The following ANKRD30B variants were observed in gnomAD, a reference collection of about 807,000 sequenced individuals.
ANKRD30B encodes ankyrin repeat domain 30B.
Under a neutral mutation model 202.2 loss-of-function variants are expected in ANKRD30B, and 144 were observed. The ratio of observed to expected loss-of-function variants is 0.71; its 90% CI spans 0.62 to 0.82. ANKRD30B has a LOEUF of 0.82. ANKRD30B is among the 40% of genes least tolerant of loss of function. ANKRD30B has a pLI of 0.00. For synonymous variants in ANKRD30B, 508 were observed against 561.3 expected, an observed-to-expected ratio of 0.91 and a Z score of 1.34; for missense variants, 1,487 against 1,669.1, an observed-to-expected ratio of 0.89 and a Z score of 1.90.
intron 4 of ANKRD30B, among the ~76,000 whole-genome samples, chr18:14,755,994 G>A (rs1358976329): frequency 1.3e-5 from 2 of 152,182 alleles, no homozygotes; most frequent in African/African-American, 4.8e-5. Context: ...CTTCCACAAT[G>A]GTTGAACTAG....
downstream of ANKRD30B, among the ~76,000 whole-genome samples, chr18:14,854,983 AGT>A (rs940277340): frequency 4.6e-5 from 7 of 152,050 alleles, no homozygotes; most frequent in African/African-American, 7.3e-5. Flanking sequence ...ATAGGATAAT[AGT>A]GGAGAGAAGG....
At chr18:14,758,442 G>T (rs114882629) in intron 5 of ANKRD30B, among the ~76,000 whole-genome samples, 1,647 of 152,264 alleles carry the variant, frequency 0.011, 40 homozygotes, top group African/African-American at 0.037. Context: ...CATTGAAACT[G>T]CCCCTGCAGT....
At chr18:14,862,954 G>T in the ANKRD30B span, among the ~76,000 whole-genome samples, 4 of 152,272 alleles carry the variant, frequency 2.6e-5, no homozygotes, top group Admixed American at 2.6e-4. Flanking sequence ...GCCCAACTTC[G>T]CCATTTGGGA....
downstream of ANKRD30B, among the ~76,000 whole-genome samples, chr18:14,855,483 G>A (rs1414453008): frequency 3.3e-5 from 5 of 152,214 alleles, no homozygotes; most frequent in African/African-American, 4.8e-5. Flanking sequence ...ATTGCACAAC[G>A]GCCAGGCAGA....
At chr18:14,831,825 A>C (rs955837413) in intron 34 of ANKRD30B, among the ~76,000 whole-genome samples, 2 of 152,210 alleles carry the variant, frequency 1.3e-5, no homozygotes, top group African/African-American at 4.8e-5. Context: ...ACTTACTGTG[A>C]CTTTTAAAAT....
intron 7 of ANKRD30B, among the ~76,000 whole-genome samples, chr18:14,764,476 C>G (rs909024688): frequency 2.6e-5 from 4 of 152,108 alleles, no homozygotes; most frequent in African/African-American, 9.7e-5. Context: ...TCACTGCAAC[C>G]TGCGTCTCCT....
chr18:14,883,831 A>G, the ANKRD30B span: 2 of 244,228 alleles, frequency 8.2e-6, no homozygotes, highest in Non-Finnish European at 1.3e-5. Context: ...TATCCTGTGT[A>G]GGAATGGACC....
chr18:14,772,010 A>G, intron 8 of ANKRD30B, 146 bp from the exon 9 acceptor site: 1 of 420,780 alleles, frequency 2.4e-6, no homozygotes, highest in Non-Finnish European at 4.2e-6. Context: ...ACCAAGAAAC[A>G]TGATATAATA....
intron 36 of ANKRD30B, among the ~76,000 whole-genome samples, chr18:14,839,538 T>A (rs1470907981): frequency 6.6e-6 from 1 of 152,214 alleles, no homozygotes; most frequent in Non-Finnish European, 1.5e-5. Flanking sequence ...TCTGCAAATA[T>A]GTGTCTGGCA....
At chr18:14,809,914 A>C in intron 26 of ANKRD30B, 72 bp from the exon 27 acceptor site, 3 of 1,283,348 alleles carry the variant, frequency 2.3e-6, no homozygotes, top group Non-Finnish European at 2.2e-6. Flanking sequence ...CTTCATATTC[A>C]CACTCTATGA....
chr18:14,926,678 A>AAAGCATGGC, the ANKRD30B span, among the ~76,000 whole-genome samples: 1 of 152,182 alleles, frequency 6.6e-6, no homozygotes, highest in Non-Finnish European at 1.5e-5. Flanking sequence ...ATAAAAATCA[A>AAAGCATGGC]CTTTGGGAGG....
chr18:14,797,501 G>A (rs918140794), intron 18 of ANKRD30B, among the ~76,000 whole-genome samples, 160 bp from the exon 19 acceptor site: 6 of 152,064 alleles, frequency 3.9e-5, no homozygotes, highest in African/African-American at 1.2e-4. Flanking sequence ...CCTACAGTTG[G>A]CATGTTAACA....
intron 35 of ANKRD30B, 28 bp downstream of exon 35, chr18:14,837,317 A>G: frequency 6.7e-7 from 1 of 1,482,526 alleles, no homozygotes; most frequent in African/African-American, 1.4e-5. Context: ...TTTTATACCA[A>G]AATAATAGAA....
At chr18:14,908,569 G>A in the ANKRD30B span, among the ~76,000 whole-genome samples, 3 of 152,112 alleles carry the variant, frequency 2.0e-5, no homozygotes, top group Non-Finnish European at 4.4e-5. Flanking sequence ...TAACCCTCTC[G>A]CTCTGACCTC....
intron 30 of ANKRD30B, among the ~76,000 whole-genome samples, chr18:14,821,438 T>A (rs181872647): frequency 5.9e-5 from 9 of 152,102 alleles, no homozygotes; most frequent in African/African-American, 2.2e-4. Flanking sequence ...CTTTTCTAGT[T>A]CTTTTAATTG....
At chr18:14,764,456 C>T (rs1025605034) in intron 7 of ANKRD30B, among the ~76,000 whole-genome samples, 10 of 152,184 alleles carry the variant, frequency 6.6e-5, no homozygotes, top group Admixed American at 2.6e-4. Flanking sequence ...ATGGCGCGAG[C>T]GATCTCGGCT....
At chr18:14,799,400 TG>T in intron 22 of ANKRD30B, 105 bp downstream of exon 22, 1 of 1,125,154 alleles carries the variant, frequency 8.9e-7, no homozygotes. Flanking sequence ...CAAAATTGGA[TG>T]GGAAAATTTG....
chr18:14,883,431 A>C, the ANKRD30B span: 106 of 103,490 alleles, frequency 1.0e-3, no homozygotes, highest in African/African-American at 4.2e-3. Flanking sequence ...ATATATCTAT[A>C]TATATCTCCT....
chr18:14,882,534 A>G, the ANKRD30B span, among the ~76,000 whole-genome samples: 1 of 152,144 alleles, frequency 6.6e-6, no homozygotes, highest in African/African-American at 2.4e-5. Flanking sequence ...CATATGGTCT[A>G]TCTTAGAGAA....
Sources: allele counts gnomAD v4.1 joint callset (sites outside exome capture counted in the v4.1 genomes callset), GRCh38; gene constraint gnomAD v4.1.1; transcripts MANE v1.5; gene names NCBI Gene and HGNC (gene_info 2026-07-23, HGNC 2026-07-21).